Variants in LINGO2 observed in about 807,000 individuals in gnomAD.
LINGO2 encodes the protein leucine-rich repeat and immunoglobulin-like domain-containing nogo receptor-interacting protein 2.
LINGO2 carries 14 observed loss-of-function variants against 30.6 expected under a neutral mutation model. That is an observed-to-expected ratio of 0.46 (90% CI 0.30 to 0.72). The LOEUF (loss-of-function observed/expected upper bound fraction) is 0.72. LINGO2 is among the 30% of genes least tolerant of loss of function. The pLI is 0.07. For missense variants in LINGO2, 729 were observed against 751.7 expected, an observed-to-expected ratio of 0.97 and a Z score of 0.35; for synonymous variants, 317 against 288.5, an observed-to-expected ratio of 1.10 and a Z score of -1.00.
rs554724822 is a variant in LINGO2 at position 28,545,110 on chromosome 9, G to T, written c.-364-69085C>A. Among the ~76,000 whole-genome samples the T allele has an allele frequency of 2.6e-5, 4 of 152,114 alleles. No homozygotes were observed. The South Asian group carries it at 6.2e-4, about 24-fold the overall frequency. On this transcript the variant is annotated intron_variant, in intron 1 of 5. Coordinates refer to ENST00000379992, the Ensembl canonical transcript of LINGO2. ...GGAGGCTTGCTAAGGGTTTTTAGCTGCAGAGATTAAAATCACTTCTAACTT... is the reference window on the plus strand; with the variant it reads ...GGAGGCTTGCTAAGGGTTTTTAGCTTCAGAGATTAAAATCACTTCTAACTT...
At chr9:29,195,746 C>T in the LINGO2 span, among the ~76,000 whole-genome samples, 1 of 152,124 alleles carries the variant, frequency 6.6e-6, no homozygotes, top group Non-Finnish European at 1.5e-5. Flanking sequence ...TCTGGACATA[C>T]TTTATGACGA....
At chr9:28,579,746 T>C (rs1343041588) in intron 1 of LINGO2, among the ~76,000 whole-genome samples, 1 of 152,062 alleles carries the variant, frequency 6.6e-6, no homozygotes, top group East Asian at 1.9e-4. Flanking sequence ...AACATTCAGA[T>C]TTAGCTGAAT....
At chr9:28,026,189 T>C (rs1430954431) in intron 4 of LINGO2, among the ~76,000 whole-genome samples, 2 of 152,228 alleles carry the variant, frequency 1.3e-5, no homozygotes, top group African/African-American at 4.8e-5. Flanking sequence ...TAAATCCCTT[T>C]GTTAAGTGTA....
the LINGO2 span, among the ~76,000 whole-genome samples, chr9:28,832,699 A>T: frequency 6.6e-6 from 1 of 152,200 alleles, no homozygotes; most frequent in African/African-American, 2.4e-5. Flanking sequence ...AAAGGAAAAC[A>T]AAATACCAGT....
the LINGO2 span, among the ~76,000 whole-genome samples, chr9:29,211,854 C>A: frequency 6.6e-6 from 1 of 152,152 alleles, no homozygotes; most frequent in African/African-American, 2.4e-5. Context: ...CCAGCGTTCT[C>A]CGCAAAAAAC....
the LINGO2 span, among the ~76,000 whole-genome samples, chr9:29,116,700 C>T: frequency 1.3e-5 from 2 of 150,538 alleles, no homozygotes; most frequent in Non-Finnish European, 3.0e-5. Context: ...AAAGCAAAAA[C>T]TTCAATGACA....
At chr9:28,820,528 T>G in the LINGO2 span, among the ~76,000 whole-genome samples, 1 of 152,236 alleles carries the variant, frequency 6.6e-6, no homozygotes, top group East Asian at 1.9e-4. Context: ...GAAGCTGGTT[T>G]CAGTTCTACC....
At chr9:28,070,942 T>G (rs142584209) in intron 4 of LINGO2, among the ~76,000 whole-genome samples, 69 of 152,302 alleles carry the variant, frequency 4.5e-4, no homozygotes, top group African/African-American at 1.5e-3. Context: ...ATCAAACTCC[T>G]GGTCTCAAGT....
chr9:28,621,823 G>A (rs907452036), intron 1 of LINGO2, among the ~76,000 whole-genome samples: 2 of 151,866 alleles, frequency 1.3e-5, no homozygotes, highest in African/African-American at 4.8e-5. Flanking sequence ...TATATATTAA[G>A]TGTGTCACAG....
At chr9:28,545,824 T>C (rs1428851892) in intron 1 of LINGO2, among the ~76,000 whole-genome samples, 2 of 152,112 alleles carry the variant, frequency 1.3e-5, no homozygotes, top group Non-Finnish European at 2.9e-5. Flanking sequence ...TACAGATTGG[T>C]TCACTAATAT....
chr9:28,234,496 T>C (rs1287927094), intron 4 of LINGO2, among the ~76,000 whole-genome samples: 1 of 152,210 alleles, frequency 6.6e-6, no homozygotes, highest in Non-Finnish European at 1.5e-5. Flanking sequence ...GTCAGTGGAC[T>C]GGGAGAGGCA....
the LINGO2 span, among the ~76,000 whole-genome samples, chr9:28,819,010 T>C: frequency 6.6e-6 from 1 of 152,194 alleles, no homozygotes; most frequent in Non-Finnish European, 1.5e-5. Context: ...GTTTTGTTGT[T>C]TTTTTTCTAC....
intron 4 of LINGO2, among the ~76,000 whole-genome samples, chr9:28,266,110 C>T (rs1189335451): frequency 2.6e-5 from 4 of 151,938 alleles, no homozygotes. Context: ...TTAATATACT[C>T]ACTATGCATC....
At chr9:28,230,910 G>T (rs1821332010) in intron 4 of LINGO2, among the ~76,000 whole-genome samples, 2 of 151,746 alleles carry the variant, frequency 1.3e-5, no homozygotes, top group African/African-American at 4.8e-5. Flanking sequence ...GTTTATAATG[G>T]TATGTAGAGT....
intron 4 of LINGO2, among the ~76,000 whole-genome samples, chr9:28,028,374 C>T (rs1052899283): frequency 6.6e-6 from 1 of 152,090 alleles, no homozygotes; most frequent in Non-Finnish European, 1.5e-5. Context: ...GTCATAGCAA[C>T]AGTGTTACAT....
At chr9:28,050,602 T>C (rs891547692) in intron 4 of LINGO2, among the ~76,000 whole-genome samples, 3 of 150,810 alleles carry the variant, frequency 2.0e-5, no homozygotes, top group Non-Finnish European at 2.9e-5. Flanking sequence ...AGAACACTAC[T>C]ATGCTAATTA....
chr9:28,179,765 C>T (rs1828862132), intron 4 of LINGO2, among the ~76,000 whole-genome samples: 1 of 148,838 alleles, frequency 6.7e-6, no homozygotes, highest in Non-Finnish European at 1.5e-5. Flanking sequence ...CAAAAACAGG[C>T]AAAAATCTAG....
intron 4 of LINGO2, among the ~76,000 whole-genome samples, chr9:28,028,474 T>A (rs1315244771): frequency 1.3e-5 from 2 of 152,154 alleles, no homozygotes; most frequent in Non-Finnish European, 2.9e-5. Context: ...CTTGCTCATA[T>A]ACAAATGTAT....
chr9:28,418,842 T>A (rs929402476), intron 2 of LINGO2, among the ~76,000 whole-genome samples: 2 of 152,014 alleles, frequency 1.3e-5, no homozygotes, highest in Admixed American at 1.3e-4. Flanking sequence ...TTAATATGGT[T>A]TGAGGTAGCC....
Sources: allele counts gnomAD v4.1 joint callset (sites outside exome capture counted in the v4.1 genomes callset), GRCh38; gene constraint gnomAD v4.1.1; transcripts MANE v1.5; gene names NCBI Gene and HGNC (gene_info 2026-07-23, HGNC 2026-07-21).